C1orf185: variants seen among roughly 807,000 people sequenced by gnomAD.
The protein encoded by C1orf185 is chromosome 1 open reading frame 185, also known as uncharacterized protein C1orf185.
Under a neutral mutation model 16.1 loss-of-function variants are expected in C1orf185, and 13 were observed. That is an observed-to-expected ratio of 0.81 (90% CI 0.53 to 1.28). The LOEUF is 1.28. Ranked by LOEUF, C1orf185 falls within the 50% of genes most tolerant of loss-of-function variation. The pLI, the probability that C1orf185 is intolerant of heterozygous loss-of-function variation, is 0.00. For synonymous variants in C1orf185, 80 were observed against 76.9 expected (o/e 1.04, Z -0.21); for missense variants, 220 against 225.2 (o/e 0.98, Z 0.15).
At chr1:51,124,537 C>T (rs1210068712) in intron 3 of C1orf185, among the ~76,000 whole-genome samples, 1 of 152,186 alleles carries the variant, frequency 6.6e-6, no homozygotes, top group Non-Finnish European at 1.5e-5. Flanking sequence ...CAGATCAGGG[C>T]TAATTCATAG....
At chr1:51,138,020 A>G (rs1355384879) in intron 3 of C1orf185, among the ~76,000 whole-genome samples, 2 of 152,282 alleles carry the variant, frequency 1.3e-5, no homozygotes, top group African/African-American at 4.8e-5. Context: ...ATGGACACAT[A>G]GAGGGGAACA....
At chr1:51,107,680 T>C (rs1031640435) in intron 1 of C1orf185, among the ~76,000 whole-genome samples, 13 of 152,222 alleles carry the variant, frequency 8.5e-5, no homozygotes, top group Non-Finnish European at 1.6e-4. Flanking sequence ...AACAGACCTA[T>C]AGAAGCAACA....
chr1:51,130,351 CT>C (rs113969943), intron 3 of C1orf185, among the ~76,000 whole-genome samples: 483 of 142,996 alleles, frequency 3.4e-3, no homozygotes, highest in Admixed American at 3.5e-3. Context: ...TTCTTTCTTT[CT>C]TTTTTTTTTT....
intron 1 of C1orf185, among the ~76,000 whole-genome samples, chr1:51,103,418 C>CACACACAT (rs1180427590): frequency 2.1e-5 from 3 of 146,230 alleles, no homozygotes; most frequent in African/African-American, 8.0e-5. Flanking sequence ...AAAACACACA[C>CACACACAT]ACACACACAC....
intron 1 of C1orf185, among the ~76,000 whole-genome samples, chr1:51,110,752 T>C (rs1188833116): frequency 6.6e-6 from 1 of 152,106 alleles, no homozygotes; most frequent in Non-Finnish European, 1.5e-5. Flanking sequence ...GTGAATCACT[T>C]GAGGTCAGGA....
intron 3 of C1orf185, among the ~76,000 whole-genome samples, chr1:51,124,101 T>G (rs2148019062): frequency 6.7e-6 from 1 of 149,550 alleles, no homozygotes. Context: ...TTTTTTTTTT[T>G]GAGACAGTCT....
At chr1:51,136,338 G>T in intron 3 of C1orf185, among the ~76,000 whole-genome samples, 1 of 147,344 alleles carries the variant, frequency 6.8e-6, no homozygotes. Context: ...TTTTGATCTT[G>T]ATTTTTTTTT....
At chr1:51,138,261 A>G (rs1646340851) in intron 3 of C1orf185, among the ~76,000 whole-genome samples, 1 of 152,196 alleles carries the variant, frequency 6.6e-6, no homozygotes, top group African/African-American at 2.4e-5. Flanking sequence ...TTTGTACATT[A>G]CTTATTTTTA....
intron 1 of C1orf185, among the ~76,000 whole-genome samples, chr1:51,104,802 T>C (rs957327465): frequency 1.3e-5 from 2 of 152,216 alleles, no homozygotes; most frequent in East Asian, 1.9e-4. Flanking sequence ...GTGTCATTTC[T>C]AGAAAACTGT....
intron 1 of C1orf185, chr1:51,107,285 A>G (rs1373025534): frequency 6.6e-6 from 1 of 152,142 alleles, no homozygotes; most frequent in Non-Finnish European, 1.5e-5. Flanking sequence ...CGAACTCCTT[A>G]TTCAGTTCTT....
chr1:51,143,670 A>G (rs1646381244), intron 3 of C1orf185, among the ~76,000 whole-genome samples: 1 of 152,138 alleles, frequency 6.6e-6, no homozygotes, highest in Non-Finnish European at 1.5e-5. Context: ...TAATTGATTA[A>G]TTAATTATTT....
At chr1:51,145,881 G>A (rs1270402163) in intron 4 of C1orf185, 121 bp downstream of exon 4, 13 of 442,568 alleles carry the variant, frequency 2.9e-5, no homozygotes, top group South Asian at 1.9e-4. Context: ...AAACTGTAAG[G>A]GAAACATTAA....
intron 2 of C1orf185, among the ~76,000 whole-genome samples, chr1:51,117,990 T>A (rs1386707874): frequency 1.3e-5 from 2 of 152,210 alleles, no homozygotes; most frequent in African/African-American, 4.8e-5. Flanking sequence ...CTAGGCTCAC[T>A]GCAACCTCTA....
chr1:51,130,538 T>C (rs1478853262), intron 3 of C1orf185, among the ~76,000 whole-genome samples: 1 of 152,214 alleles, frequency 6.6e-6, no homozygotes, highest in Admixed American at 6.5e-5. Flanking sequence ...ATATTGTTTA[T>C]TTTAGCCATT....
At chr1:51,122,366 A>G (rs943653674) in intron 3 of C1orf185, among the ~76,000 whole-genome samples, 3 of 152,154 alleles carry the variant, frequency 2.0e-5, no homozygotes, top group East Asian at 1.9e-4. Context: ...ATCTTCAACA[A>G]TCTTGGCATT....
At chr1:51,119,347 GA>G (rs1451444153) in intron 3 of C1orf185, among the ~76,000 whole-genome samples, 2 of 151,878 alleles carry the variant, frequency 1.3e-5, no homozygotes, top group Admixed American at 1.3e-4. Context: ...ATGAACAAAG[GA>G]AAAAAAGGCA....
At chr1:51,127,396 C>T (rs1327179568) in intron 3 of C1orf185, among the ~76,000 whole-genome samples, 3 of 152,098 alleles carry the variant, frequency 2.0e-5, no homozygotes, top group Non-Finnish European at 2.9e-5. Context: ...TCAAGCGATT[C>T]TCCTGCCTCA....
chr1:51,136,005 C>T (rs766743324), intron 3 of C1orf185, among the ~76,000 whole-genome samples: 3 of 152,200 alleles, frequency 2.0e-5, no homozygotes, highest in Non-Finnish European at 4.4e-5. Flanking sequence ...CGTTCCTATA[C>T]ACCAACAACA....
rs1174485857 is a variant in C1orf185, at chr1:51,147,777, A to G, written c.*6A>G. On this transcript the variant is annotated 3_prime_UTR_variant, in exon 5 of 5. Coordinates refer to ENST00000371759, the MANE Select transcript of C1orf185 (RefSeq NM_001136508.2). ...TACTGAATGACACTTTATGACCATC[A>G]AAAAGATGACTACATTAAGGGAAAA... 2.7e-6 allele frequency: 4 copies of G among 1,499,166 alleles called. No individual in the cohort carries two copies. The East Asian group carries it at 9.9e-5, about 37-fold the overall frequency. The allele number at this position is 1,499,166 out of a possible 1,614,324, so 92.9% of individuals were successfully genotyped here.
Sources: allele counts gnomAD v4.1 joint callset (sites outside exome capture counted in the v4.1 genomes callset), GRCh38; gene constraint gnomAD v4.1.1; transcripts MANE v1.5; gene names NCBI Gene and HGNC (gene_info 2026-07-23, HGNC 2026-07-21).